SH3RF2: variants seen among roughly 807,000 people sequenced by gnomAD.
The protein encoded by SH3RF2 is E3 ubiquitin-protein ligase SH3RF2.
SH3RF2 carries 43 observed loss-of-function variants against 59.0 expected under a neutral mutation model. The observed-to-expected ratio is 0.73, with a 90% CI of 0.57 to 0.94. The LOEUF (loss-of-function observed/expected upper bound fraction) is 0.94, where lower values mean the gene tolerates loss of function less well. SH3RF2 is among the 40% of genes least tolerant of loss of function. The pLI, the probability that SH3RF2 is intolerant of heterozygous loss-of-function variation, is 0.00. For synonymous variants in SH3RF2, 391 were observed against 391.5 expected (o/e 1.00, Z 0.01); for missense variants, 930 against 940.1 (o/e 0.99, Z 0.14).
chr5:145,961,174 CT>C (rs869156939), intron 2 of SH3RF2, among the ~76,000 whole-genome samples: 4,023 of 90,962 alleles, frequency 0.044, 20 homozygotes, highest in Non-Finnish European at 0.061. Flanking sequence ...CTGCATCCTC[CT>C]TTTTTTTTTT....
intron 2 of SH3RF2, among the ~76,000 whole-genome samples, chr5:145,972,619 A>C (rs1759131988): frequency 6.6e-6 from 1 of 152,156 alleles, no homozygotes; most frequent in Admixed American, 6.5e-5. Flanking sequence ...TAAACTGAAC[A>C]CTGACTCAAG....
rs749227471 is a variant in SH3RF2, at chr5:146,062,561, G to A, written c.2050G>A (p.Glu684Lys). 1 of 1,614,184 alleles carries A rather than the reference G, an allele frequency of 6.2e-7. No homozygotes were observed. The highest frequency in any genetic ancestry group is 8.5e-7 in the Non-Finnish European group (1 of 1,180,030). The change falls in exon 10 of 10, where the codon GAG (glutamate) becomes AAG (lysine). Residue 684 changes from glutamate (E) to lysine (K), a missense_variant. Transcript: ENST00000359120. ...GCCTGAAGCAGCGTCCTTGGGCCCA[G>A]AGATGACCGTCCTATTTGCCCACCG... ...SQPEAASLGP[E>K]MTVLFAHRSG... is the part of the protein sequence containing the mutation.
At chr5:146,015,219 C>T (rs1761056977) in intron 5 of SH3RF2, among the ~76,000 whole-genome samples, 1 of 152,134 alleles carries the variant, frequency 6.6e-6, no homozygotes, top group African/African-American at 2.4e-5. Context: ...AAAACAATCA[C>T]CTCCTACAAC....
intron 5 of SH3RF2, among the ~76,000 whole-genome samples, chr5:146,035,733 G>T (rs775628038): frequency 2.1e-4 from 32 of 152,166 alleles, no homozygotes; most frequent in Non-Finnish European, 4.1e-4. Flanking sequence ...TAAGGACGTA[G>T]GTCCTTCAGT....
intron 4 of SH3RF2, 84 bp from the exon 5 acceptor site, chr5:146,013,663 G>A (rs1760993232): frequency 2.7e-6 from 4 of 1,491,860 alleles, no homozygotes; most frequent in Non-Finnish European, 3.7e-6. Context: ...CACCTGACCT[G>A]GCTTCAGATG....
chr5:146,062,079 A>G (rs1436592658), intron 9 of SH3RF2, among the ~76,000 whole-genome samples: 4 of 152,178 alleles, frequency 2.6e-5, no homozygotes, highest in African/African-American at 9.7e-5. Context: ...GAGAGAGGCA[A>G]GGTAAATTTC....
intron 7 of SH3RF2, among the ~76,000 whole-genome samples, chr5:146,053,360 T>C (rs1762561406): frequency 6.6e-6 from 1 of 152,100 alleles, no homozygotes; most frequent in Non-Finnish European, 1.5e-5. Flanking sequence ...CTGTCCAGCA[T>C]CTAAATCCCC....
rs767770923 is a variant in SH3RF2 at position 146,059,962 on chromosome 5, TC to T, written c.1654del (p.Gln552AsnfsTer76). On this transcript the variant is annotated frameshift_variant, in exon 9 of 10. Coordinates refer to ENST00000359120, the MANE Select transcript of SH3RF2 (RefSeq NM_152550.4). LOFTEE classifies it high-confidence loss of function. Reference protein sequence around the residue: ...SPTMVLRPQQFQFYQPQGIPS... With the variant: ...SPTMVLRPQQXQFYQPQGIPS... ...ACCATGGTCCTTCGGCCTCAGCAGT[TC>T]CAATTCTACCAGCCACAGGGGATCC... 5.8e-6 allele frequency: 9 copies of T among 1,560,974 alleles called. No individual in the cohort carries two copies. The East Asian group carries it at 2.1e-4, about 36-fold the overall frequency.
intron 7 of SH3RF2, among the ~76,000 whole-genome samples, chr5:146,052,804 T>C (rs1216621318): frequency 6.6e-6 from 1 of 152,198 alleles, no homozygotes; most frequent in Non-Finnish European, 1.5e-5. Context: ...GGATGAATAA[T>C]ACTGTCCTTT....
chr5:145,938,207 G>C lies in SH3RF2; in HGVS notation c.279G>C (p.Thr93=), dbSNP rs756825681. Reference sequence around the variant, plus strand: ...GGGGCTCCTTCCGCAGGCCTGGCACGATGACCTTGCAGGATGGCAGGAAAA... The same window carrying C: ...GGGGCTCCTTCCGCAGGCCTGGCACCATGACCTTGCAGGATGGCAGGAAAA... ...GRGGSFRRPG[T]MTLQDGRKSR... The change falls in exon 2 of 10, where the codon ACG becomes ACC. Residue 93 remains threonine (T), a synonymous_variant. Coordinates refer to ENST00000359120, the MANE Select transcript of SH3RF2 (RefSeq NM_152550.4). 18 of 1,613,282 alleles carry C rather than the reference G, an allele frequency of 1.1e-5. No homozygotes were observed. The highest frequency in any genetic ancestry group is 1.4e-5 in the Non-Finnish European group (16 of 1,179,994).
intron 5 of SH3RF2, among the ~76,000 whole-genome samples, chr5:146,017,757 C>G (rs1761160899): frequency 6.6e-6 from 1 of 152,150 alleles, no homozygotes; most frequent in Admixed American, 6.6e-5. Context: ...TCATCTCTTG[C>G]CTAGACTATT....
intron 2 of SH3RF2, among the ~76,000 whole-genome samples, chr5:145,991,191 G>A (rs1291555724): frequency 5.3e-5 from 8 of 152,288 alleles, no homozygotes; most frequent in Non-Finnish European, 1.0e-4. Flanking sequence ...CAGGTCAAAC[G>A]AGCCTCAGCC....
intron 5 of SH3RF2, among the ~76,000 whole-genome samples, chr5:146,045,809 G>T (rs1188822041): frequency 6.6e-6 from 1 of 152,130 alleles, no homozygotes; most frequent in African/African-American, 2.4e-5. Context: ...GTTTTTGTGT[G>T]GACACATGTT....
chr5:146,046,816 T>A (rs1762321412), intron 5 of SH3RF2, among the ~76,000 whole-genome samples: 1 of 151,498 alleles, frequency 6.6e-6, no homozygotes. Context: ...CAGGTTGGAG[T>A]GCAGTGGCAC....
chr5:145,953,490 C>T (rs143972483), intron 2 of SH3RF2, among the ~76,000 whole-genome samples: 52 of 152,222 alleles, frequency 3.4e-4, no homozygotes, highest in Non-Finnish European at 5.9e-4. Flanking sequence ...GACAAAGAAA[C>T]CATGGTAATT....
chr5:145,997,810 G>A lies in SH3RF2; in HGVS notation c.379-2248G>A, dbSNP rs1760227732. ...ACCTAAAGAAAAAAAATTAAGCTAG[G>A]ATCCCCCGCCGAAATAGAAGTACCT... On this transcript the variant is annotated intron_variant, in intron 2 of 9. Coordinates refer to ENST00000359120, the MANE Select transcript of SH3RF2 (RefSeq NM_152550.4). The A allele has an allele frequency of 2.0e-6, 3 of 1,510,382 alleles. No individual in the cohort carries two copies. In the East Asian group the frequency reaches 6.8e-5, roughly 34 times the overall value. The allele number at this position is 1,510,382 out of a possible 1,614,324, so 93.6% of individuals were successfully genotyped here.
At chr5:146,077,045 C>G (rs1432599944) in intron 9 of SH3RF2, among the ~76,000 whole-genome samples, 1 of 152,178 alleles carries the variant, frequency 6.6e-6, no homozygotes, top group African/African-American at 2.4e-5. Context: ...AATTATCGAA[C>G]CAATTTCCCA....
At chr5:146,079,050 A>C (rs1293500965) in exon 10 of SH3RF2, 2 of 152,164 alleles carry the variant, frequency 1.3e-5, no homozygotes, top group African/African-American at 2.4e-5. Context: ...TTTCCCCGAT[A>C]CCTTCTGACC....
In SH3RF2 at chr5:146,005,854, TAAA is replaced by T. The variant is rs34318684; in HGVS notation, c.744+1716_744+1718del. The stretch of plus-strand genomic sequence containing the variant: ...CCTAACACAGAACAAGCACTCTGTT[TAAA>T]AAAAAAAAAAAAAAGCTTAGCAAGT... On this transcript the variant is annotated intron_variant, in intron 4 of 9. Coordinates refer to ENST00000359120, the MANE Select transcript of SH3RF2 (RefSeq NM_152550.4). 1.6e-4 allele frequency among the ~76,000 whole-genome samples: 21 copies of T among 129,680 alleles called. 1 individual carries two copies. The highest frequency in any genetic ancestry group is 5.3e-4 in the African/African-American group (18 of 34,170). 85.1% of individuals were successfully genotyped at this position (129,680 alleles called of 152,430 possible). A position where few individuals can be genotyped will look rare whatever the true frequency, so the allele number is the denominator to read the frequency against.
Sources: gnomAD v4.1 joint callset for allele counts (sites outside exome capture counted in the v4.1 genomes callset) on GRCh38, gnomAD v4.1.1 for gene constraint, MANE v1.5 for transcripts, NCBI Gene and HGNC (gene_info 2026-07-23, HGNC 2026-07-21) for gene names.